SMYD3: variants seen among roughly 807,000 people sequenced by gnomAD.
The protein encoded by SMYD3 is SET and MYND domain containing 3.
SMYD3 carries 36 observed loss-of-function variants against 57.7 expected under a neutral mutation model. The observed-to-expected ratio is 0.62, with a 90% CI of 0.48 to 0.82. The LOEUF is 0.82. Among genes scored for constraint, SMYD3 ranks in the 40% least tolerant of loss-of-function variants. The pLI is 0.00. For synonymous variants in SMYD3, 211 were observed against 195.0 expected, an observed-to-expected ratio of 1.08 and a Z score of -0.68; for missense variants, 515 against 538.8, an observed-to-expected ratio of 0.96 and a Z score of 0.44.
intron 10 of SMYD3, among the ~76,000 whole-genome samples, chr1:245,789,624 A>G (rs2148178577): frequency 6.6e-6 from 1 of 152,294 alleles, no homozygotes; most frequent in East Asian, 1.9e-4. Context: ...CTTGAAACTA[A>G]ATATTGGTGC....
intron 1 of SMYD3, among the ~76,000 whole-genome samples, chr1:246,479,507 T>C (rs1336480259): frequency 4.1e-5 from 6 of 144,662 alleles, no homozygotes; most frequent in African/African-American, 1.6e-4. Context: ...GCGGGATTTT[T>C]TTTTTTTTTT....
At chr1:246,397,850 A>G (rs894948554) in intron 1 of SMYD3, among the ~76,000 whole-genome samples, 1 of 151,118 alleles carries the variant, frequency 6.6e-6, no homozygotes, top group Non-Finnish European at 1.5e-5. Context: ...ATAGGGGTGT[A>G]GAAAACAGGC....
chr1:246,265,147 A>G (rs1337078043), intron 5 of SMYD3, among the ~76,000 whole-genome samples: 1 of 152,022 alleles, frequency 6.6e-6, no homozygotes, highest in Non-Finnish European at 1.5e-5. Context: ...TATCTTTATT[A>G]TTTTTCGAGA....
intron 5 of SMYD3, among the ~76,000 whole-genome samples, chr1:246,293,748 C>CA (rs2064741056): frequency 6.6e-6 from 1 of 152,072 alleles, no homozygotes; most frequent in African/African-American, 2.4e-5. Context: ...CTCACACATT[C>CA]AAATCTCTTC....
intron 5 of SMYD3, among the ~76,000 whole-genome samples, chr1:246,086,697 A>G (rs2060727650): frequency 6.6e-6 from 1 of 151,782 alleles, no homozygotes. Context: ...TAAAATGCCA[A>G]ATTTTCTTTT....
chr1:246,228,027 G>T (rs1007991380), intron 5 of SMYD3, among the ~76,000 whole-genome samples: 1 of 137,598 alleles, frequency 7.3e-6, no homozygotes, highest in African/African-American at 2.8e-5. Flanking sequence ...ACAGAGTGCA[G>T]TGGCAGATCT....
intron 5 of SMYD3, among the ~76,000 whole-genome samples, chr1:246,172,304 C>T (rs906237661): frequency 4.0e-5 from 6 of 150,526 alleles, no homozygotes; most frequent in South Asian, 2.1e-4. Flanking sequence ...CCACACTGTA[C>T]GCTTAGGCTA....
intron 5 of SMYD3, among the ~76,000 whole-genome samples, chr1:246,215,492 G>A (rs1309024168): frequency 6.6e-6 from 1 of 151,996 alleles, no homozygotes; most frequent in Non-Finnish European, 1.5e-5. Context: ...ACTTTGTCAG[G>A]CAACATTAAA....
At chr1:246,383,220 C>G (rs58309193) in intron 1 of SMYD3, among the ~76,000 whole-genome samples, 23,865 of 152,274 alleles carry the variant, frequency 0.16, 2,141 homozygotes, top group East Asian at 0.3. Context: ...AAGGAATCAT[C>G]AACTTGGCCT....
intron 5 of SMYD3, among the ~76,000 whole-genome samples, chr1:246,245,059 G>A (rs545333114): frequency 3.3e-5 from 5 of 150,134 alleles, no homozygotes; most frequent in African/African-American, 4.9e-5. Flanking sequence ...ATTCCACTAC[G>A]GCTAAATAGA....
chr1:245,866,619 A>T (rs113274514), intron 8 of SMYD3, among the ~76,000 whole-genome samples: 4 of 152,188 alleles, frequency 2.6e-5, no homozygotes, highest in African/African-American at 9.6e-5. Flanking sequence ...GTAATCCCAG[A>T]TACTTGGGAG....
chr1:245,935,510 T>C (rs986017925), intron 5 of SMYD3, among the ~76,000 whole-genome samples: 5 of 152,138 alleles, frequency 3.3e-5, no homozygotes, highest in East Asian at 3.9e-4. Flanking sequence ...AACCTCAAAA[T>C]AGAACTGCCA....
At chr1:246,296,182 C>T (rs1203653936) in intron 5 of SMYD3, among the ~76,000 whole-genome samples, 1 of 152,138 alleles carries the variant, frequency 6.6e-6, no homozygotes, top group Non-Finnish European at 1.5e-5. Context: ...AAACTTCCTC[C>T]ACAACCACCG....
At chr1:246,374,987 G>A (rs1461084942) in intron 1 of SMYD3, among the ~76,000 whole-genome samples, 2 of 152,164 alleles carry the variant, frequency 1.3e-5, no homozygotes, top group Non-Finnish European at 2.9e-5. Context: ...CAGCTACTCG[G>A]GAGGCTGAGG....
chr1:246,147,780 C>T (rs960188713), intron 5 of SMYD3, among the ~76,000 whole-genome samples: 35 of 152,082 alleles, frequency 2.3e-4, no homozygotes, highest in African/African-American at 8.0e-4. Context: ...CTGGGCTTCG[C>T]GCTCAATCGA....
In SMYD3 at chr1:246,392,792, A is replaced by G. The variant is rs551804679; in HGVS notation, c.165-37698T>C. On this transcript the variant is annotated intron_variant, in intron 1 of 11. Coordinates refer to ENST00000490107, the MANE Select transcript of SMYD3 (RefSeq NM_001167740.2). Reference sequence around the variant, plus strand: ...AGAGATGGTTCAACAGCAAAAAAAAAAGAAAAAGAAAAAGAAAAAAAAAAA... The same window carrying G: ...AGAGATGGTTCAACAGCAAAAAAAAGAGAAAAAGAAAAAGAAAAAAAAAAA... Among the ~76,000 whole-genome samples, 23 of 108,088 alleles carry G rather than the reference A, an allele frequency of 2.1e-4. No individual in the cohort carries two copies. In the South Asian group the frequency reaches 6.5e-3, roughly 31 times the overall value. The allele number at this position is 108,088 out of a possible 152,430, so 70.9% of individuals were successfully genotyped here. A position where few individuals can be genotyped will look rare whatever the true frequency, so the allele number is the denominator to read the frequency against.
intron 5 of SMYD3, among the ~76,000 whole-genome samples, chr1:246,229,417 C>T (rs1316213772): frequency 2.0e-5 from 3 of 152,116 alleles, no homozygotes; most frequent in Admixed American, 2.0e-4. Context: ...CAAAATAATG[C>T]CAATAATTTA....
intron 10 of SMYD3, among the ~76,000 whole-genome samples, chr1:245,825,998 TA>T (rs2049462290): frequency 6.9e-5 from 1 of 14,502 alleles, no homozygotes; most frequent in Non-Finnish European, 5.3e-4. Context: ...CTCCTACATC[TA>T]GTACCTAGCA....
chr1:246,033,212 G>A (rs1028068535), intron 5 of SMYD3, among the ~76,000 whole-genome samples: 5 of 151,440 alleles, frequency 3.3e-5, no homozygotes, highest in African/African-American at 1.2e-4. Context: ...ATACTAATTG[G>A]TAATAAAAAA....
Sources: allele counts gnomAD v4.1 joint callset (sites outside exome capture counted in the v4.1 genomes callset), GRCh38; gene constraint gnomAD v4.1.1; transcripts MANE v1.5; gene names NCBI Gene and HGNC (gene_info 2026-07-23, HGNC 2026-07-21).